The following TMEM234 variants were observed in gnomAD, a reference collection of about 807,000 sequenced individuals.
TMEM234 encodes the protein chromosome 1 open reading frame 91.
TMEM234 carries 21 observed loss-of-function variants against 17.8 expected under a neutral mutation model. The ratio of observed to expected loss-of-function variants is 1.18; its 90% CI spans 0.84 to 1.70. The LOEUF is 1.70. Ranked by LOEUF, TMEM234 falls within the 40% of genes most tolerant of loss-of-function variation. The pLI is 0.00. For synonymous variants in TMEM234, 83 were observed against 73.5 expected, an observed-to-expected ratio of 1.13 and a Z score of -0.66; for missense variants, 137 against 166.9, an observed-to-expected ratio of 0.82 and a Z score of 0.99.
At chr1:32,221,747 C>A in intron 2 of TMEM234, 120 bp downstream of exon 2, 1 of 1,394,296 alleles carries the variant, frequency 7.2e-7, no homozygotes, top group Non-Finnish European at 9.8e-7. Flanking sequence ...TCAAGGACAA[C>A]TGACTTTTCC....
chr1:32,222,149 G>C, intron 1 of TMEM234, 131 bp from the exon 2 acceptor site: 1 of 1,502,364 alleles, frequency 6.7e-7, no homozygotes, highest in Non-Finnish European at 8.9e-7. Flanking sequence ...GGCTGCGACT[G>C]GCGGCTAAGG....
In TMEM234 at chr1:32,222,000, A is replaced by T; in HGVS notation, c.35T>A (p.Val12Glu). Residue 12 changes from valine to glutamate, a missense_variant, in exon 2 of 5, where the codon GTG becomes GAG. Coordinates refer to ENST00000309777, the MANE Select transcript of TMEM234 (RefSeq NM_019118.5). ...GCCACCCCACAGAGCGGCCACCAGCACCAGAGCCAACACCTGCCCTGAATG... is the reference window on the plus strand; with the variant it reads ...GCCACCCCACAGAGCGGCCACCAGCTCCAGAGCCAACACCTGCCCTGAATG... ...AASLGQVLAL[V>E]LVAALWGGTQ... 6.2e-7 allele frequency: 1 copy of T among 1,611,886 alleles called. No homozygotes were observed. The highest frequency in any genetic ancestry group is 1.1e-5 in the South Asian group (1 of 90,958).
chr1:32,214,696 T>C (rs974815267), downstream of TMEM234: 11 of 1,522,176 alleles, frequency 7.2e-6, no homozygotes, highest in Non-Finnish European at 8.9e-6. Flanking sequence ...TCCTCTGCCA[T>C]GTTCCTGCAG....
rs1440913904 is a variant in TMEM234 at position 32,222,353 on chromosome 1, C to T, written c.-31G>A. ...CGCCGCTGTCTTCTACTTCCGGGAA[C>T]GAAGGGGCGGAGACCCATAATCCGG... is the stretch of plus-strand genomic sequence containing the variant. On this transcript the variant is annotated 5_prime_UTR_variant, in exon 1 of 5. Transcript: ENST00000309777. The T allele has an allele frequency of 1.3e-6, 2 of 1,563,914 alleles. No homozygotes were observed. Among genetic ancestry groups the T allele is most frequent in the Non-Finnish European group, 8.7e-7 (1 of 1,151,286 alleles).
chr1:32,216,235 G>A lies in TMEM234; in HGVS notation c.*618C>T, dbSNP rs1253075632. The A allele has an allele frequency of 2.7e-5, 33 of 1,227,652 alleles. No homozygotes were observed. The highest frequency in any genetic ancestry group is 5.1e-5 in the East Asian group (2 of 38,884). The allele number at this position is 1,227,652 out of a possible 1,614,324, so 76.0% of individuals were successfully genotyped here. On this transcript the variant is annotated 3_prime_UTR_variant, in exon 5 of 5. Transcript: ENST00000309777. ...ATAGATTTATTGACAGCTACTACTC[G>A]CCAGGTGTGCTGGAGTCAGGTGGGG...
At chr1:32,221,700 T>C (rs1167586940) in intron 2 of TMEM234, among the ~76,000 whole-genome samples, 167 bp downstream of exon 2, 1 of 151,950 alleles carries the variant, frequency 6.6e-6, no homozygotes. Context: ...AGATGGTTAT[T>C]ATTATAATCG....
At chr1:32,215,865 A>G, downstream of TMEM234, 1 of 1,552,424 alleles carries the variant, frequency 6.4e-7, no homozygotes, top group Non-Finnish European at 8.7e-7. Context: ...TGGGGCTGCT[A>G]TCTCAGCCTC....
downstream of TMEM234, chr1:32,215,847 C>A (rs1557537037): frequency 3.9e-6 from 6 of 1,553,096 alleles, no homozygotes; most frequent in Non-Finnish European, 5.2e-6. Flanking sequence ...GGAAAACCAG[C>A]CTGGGGCTGG....
Position 32,221,036 on chromosome 1 carries a change from G to A in TMEM234, c.235+95C>T, listed in dbSNP as rs1569834011. 3.2e-6 allele frequency: 3 copies of A among 943,754 alleles called. No homozygotes were observed. In the East Asian group the frequency reaches 7.7e-5, roughly 24 times the overall value. 58.5% of individuals were successfully genotyped at this position (943,754 alleles called of 1,614,324 possible). On this transcript the variant is annotated intron_variant, in intron 3 of 4. Coordinates refer to ENST00000309777, the MANE Select transcript of TMEM234 (RefSeq NM_019118.5). ...AGCTAGTCAGCCCTCTCTCACTGATGGGAATGAGGTGTTTCAAGCTCCACC... is the reference window on the plus strand; with the variant it reads ...AGCTAGTCAGCCCTCTCTCACTGATAGGAATGAGGTGTTTCAAGCTCCACC...
chr1:32,216,352 G>A lies in TMEM234; in HGVS notation c.*501C>T. 6.5e-7 allele frequency: 1 copy of A among 1,548,134 alleles called. No homozygotes were observed. Among genetic ancestry groups the A allele is most frequent in the African/African-American group, 1.4e-5 (1 of 73,136 alleles). On this transcript the variant is annotated 3_prime_UTR_variant, in exon 5 of 5. Transcript: ENST00000309777. ...GTGGGGCAGGCAAGGCTAATAGACAGCTCATTTCCTGCATCTGCCACTCCG... is the reference window on the plus strand; with the variant it reads ...GTGGGGCAGGCAAGGCTAATAGACAACTCATTTCCTGCATCTGCCACTCCG...
Position 32,216,526 on chromosome 1 carries a change from A to G in TMEM234, c.*327T>C, listed in dbSNP as rs1421184183. Reference sequence around the variant, plus strand: ...TCTGCAGTCCATGGAACCTGCCACCATGATAGTCCAGATCAGGCCACAGTA... The same window carrying G: ...TCTGCAGTCCATGGAACCTGCCACCGTGATAGTCCAGATCAGGCCACAGTA... On this transcript the variant is annotated 3_prime_UTR_variant, in exon 5 of 5. Coordinates refer to ENST00000309777, the MANE Select transcript of TMEM234 (RefSeq NM_019118.5). 1 of 1,551,558 alleles carries G rather than the reference A, an allele frequency of 6.4e-7. No homozygotes were observed. The highest frequency in any genetic ancestry group is 8.7e-7 in the Non-Finnish European group (1 of 1,146,986).
downstream of TMEM234, chr1:32,215,779 G>A (rs940213630): frequency 1.1e-5 from 17 of 1,535,032 alleles, no homozygotes; most frequent in Non-Finnish European, 1.4e-5. Context: ...GCTCCATTCT[G>A]TATGGCCTTC....
chr1:32,220,135 GGCCAGAGGT>G (rs1638761189), intron 3 of TMEM234, among the ~76,000 whole-genome samples: 1 of 152,188 alleles, frequency 6.6e-6, no homozygotes, highest in East Asian at 1.9e-4. Context: ...GAATGCATGA[GGCCAGAGGT>G]TTTCAAACTC....
downstream of TMEM234, chr1:32,215,989 C>T: frequency 9.3e-7 from 1 of 1,071,200 alleles, no homozygotes; most frequent in South Asian, 1.4e-5. Context: ...GAGCCAGCAC[C>T]TCCGCTGGGC....
chr1:32,218,851 T>C lies in TMEM234; in HGVS notation c.236-1500A>G, dbSNP rs139736146. ...TACTTGGGAGGCCGAGGCAGGAGAA[T>C]TGCTTGAACCTGGTAGGCAGAGGTT... On this transcript the variant is annotated intron_variant, in intron 3 of 4. Coordinates refer to ENST00000309777, the MANE Select transcript of TMEM234 (RefSeq NM_019118.5). Among the ~76,000 whole-genome samples, 582 of 152,240 alleles carry C rather than the reference T, an allele frequency of 3.8e-3. 3 individuals carry two copies. Among genetic ancestry groups the C allele is most frequent in the African/African-American group, 0.014 (563 of 41,544 alleles).
downstream of TMEM234, chr1:32,215,147 T>C: frequency 1.5e-6 from 1 of 653,772 alleles, no homozygotes; most frequent in Non-Finnish European, 2.5e-6. Context: ...TCATCATAAC[T>C]GTCTCCAGCT....
intron 4 of TMEM234, 114 bp from the exon 5 acceptor site, chr1:32,217,061 C>G (rs1252507177): frequency 6.4e-7 from 1 of 1,572,334 alleles, no homozygotes; most frequent in East Asian, 2.3e-5. Context: ...CAAACCCCAG[C>G]CTCTGTCTTT....
At chr1:32,216,990 T>C (rs1300958047) in intron 4 of TMEM234, 43 bp from the exon 5 acceptor site, 1 of 1,613,368 alleles carries the variant, frequency 6.2e-7, no homozygotes, top group Non-Finnish European at 8.5e-7. Flanking sequence ...AGCTCAGCCA[T>C]GCCAGTAGGA....
chr1:32,215,629 C>T, downstream of TMEM234: 7 of 1,290,466 alleles, frequency 5.4e-6, no homozygotes, highest in Non-Finnish European at 7.6e-6. Context: ...AGGAACAGTT[C>T]TCCTCCCTTG....
Sources: allele counts gnomAD v4.1 joint callset (sites outside exome capture counted in the v4.1 genomes callset), GRCh38; gene constraint gnomAD v4.1.1; transcripts MANE v1.5; gene names NCBI Gene and HGNC (gene_info 2026-07-23, HGNC 2026-07-21).